The following RFPL1 variants were observed in gnomAD, a reference collection of about 807,000 sequenced individuals.
RFPL1 encodes the protein ret finger protein like 1.
Under a neutral mutation model 9.6 loss-of-function variants are expected in RFPL1, and 6 were observed. That is an observed-to-expected ratio of 0.62 (90% CI 0.34 to 1.23). RFPL1 has a LOEUF of 1.23. Ranked by LOEUF, RFPL1 falls within the 50% of genes most tolerant of loss-of-function variation. RFPL1 has a pLI of 0.03. For missense variants in RFPL1, 352 were observed against 398.4 expected (o/e 0.88, Z 0.99); for synonymous variants, 145 against 149.4 (o/e 0.97, Z 0.22).
chr22:29,423,153 G>T, the RFPL1 span: 1 of 1,514,660 alleles, frequency 6.6e-7, no homozygotes, highest in South Asian at 1.1e-5. Flanking sequence ...AATATTTTGA[G>T]TCAGTCATTT....
the RFPL1 span, among the ~76,000 whole-genome samples, chr22:29,405,289 C>CCATG: frequency 6.6e-6 from 1 of 152,128 alleles, no homozygotes; most frequent in Admixed American, 6.5e-5. Context: ...CGCAGCAGCT[C>CCATG]CATGGTATGC....
At chr22:29,438,787 T>G (rs1009849023) in exon 1 of RFPL1, 7 of 1,611,800 alleles carry the variant, frequency 4.3e-6, no homozygotes, top group Non-Finnish European at 5.9e-6. Flanking sequence ...ACAATACCTT[T>G]ATGCATGAAA....
At chr22:29,424,788 C>T in the RFPL1 span, among the ~76,000 whole-genome samples, 7 of 148,992 alleles carry the variant, frequency 4.7e-5, no homozygotes, top group Non-Finnish European at 1.0e-4. Flanking sequence ...AGCCACAGCA[C>T]TCCAGCGTGG....
rs1246650575 is a variant in RFPL1 at position 29,438,607 on chromosome 22, T to C, written c.-185T>C. 12 of 1,434,528 alleles carry C rather than the reference T, an allele frequency of 8.4e-6. No individual in the cohort carries two copies. In the East Asian group the frequency reaches 2.8e-4, roughly 33 times the overall value. The allele number at this position is 1,434,528 out of a possible 1,614,324, so 88.9% of individuals were successfully genotyped here. Reference sequence around the variant, plus strand: ...TGCCGTGTCACTGGCTCAGGCTCAGTTGCTGGGTCACCAGTAGAATGGACC... The same window carrying C: ...TGCCGTGTCACTGGCTCAGGCTCAGCTGCTGGGTCACCAGTAGAATGGACC... On this transcript the variant is annotated 5_prime_UTR_variant, in exon 1 of 2. Transcript: ENST00000354373.
the RFPL1 span, among the ~76,000 whole-genome samples, chr22:29,409,795 G>A: frequency 6.6e-6 from 1 of 152,040 alleles, no homozygotes. Flanking sequence ...ATATTTGATT[G>A]CCGTCATCCA....
At chr22:29,393,908 C>G in the RFPL1 span, among the ~76,000 whole-genome samples, 2 of 152,222 alleles carry the variant, frequency 1.3e-5, no homozygotes, top group Non-Finnish European at 2.9e-5. Flanking sequence ...AACTCCTGAC[C>G]TTAAATGATC....
the RFPL1 span, among the ~76,000 whole-genome samples, chr22:29,404,570 T>C: frequency 6.6e-6 from 1 of 152,246 alleles, no homozygotes; most frequent in Non-Finnish European, 1.5e-5. Flanking sequence ...AGACATGGCA[T>C]ATAAAACTAG....
the RFPL1 span, among the ~76,000 whole-genome samples, chr22:29,411,004 G>T: frequency 6.6e-6 from 1 of 152,068 alleles, no homozygotes; most frequent in South Asian, 2.1e-4. Flanking sequence ...AAGAACACCC[G>T]CCCCATCCTG....
At chr22:29,407,155 G>A in the RFPL1 span, among the ~76,000 whole-genome samples, 2 of 151,462 alleles carry the variant, frequency 1.3e-5, no homozygotes, top group South Asian at 2.1e-4. Context: ...GTGCATTGGT[G>A]CAATCACAAC....
the RFPL1 span, among the ~76,000 whole-genome samples, chr22:29,432,680 G>A: frequency 1.3e-5 from 2 of 152,186 alleles, no homozygotes; most frequent in South Asian, 2.1e-4. Flanking sequence ...TGGCTGGACC[G>A]CTGGGCCTAG....
chr22:29,420,343 T>G, the RFPL1 span, among the ~76,000 whole-genome samples: 68 of 152,188 alleles, frequency 4.5e-4, no homozygotes, highest in Admixed American at 8.5e-4. Context: ...TTCTCTCTCT[T>G]TTTTTGAGAT....
chr22:29,390,961 G>A, the RFPL1 span, among the ~76,000 whole-genome samples: 1 of 148,296 alleles, frequency 6.7e-6, no homozygotes, highest in African/African-American at 2.5e-5. Context: ...CTAACACAGT[G>A]AAACCCCGTC....
chr22:29,396,703 TCCTGG>T, the RFPL1 span, among the ~76,000 whole-genome samples: 22 of 152,260 alleles, frequency 1.4e-4, no homozygotes, highest in African/African-American at 5.1e-4. Context: ...GGTCTCGAAC[TCCTGG>T]CCTCAAGTGA....
the RFPL1 span, among the ~76,000 whole-genome samples, chr22:29,394,974 G>A: frequency 4.6e-5 from 7 of 152,128 alleles, no homozygotes; most frequent in African/African-American, 7.2e-5. Flanking sequence ...GTGCGGTCTC[G>A]TGAAATGACC....
At chr22:29,420,827 G>A in the RFPL1 span, among the ~76,000 whole-genome samples, 3 of 151,678 alleles carry the variant, frequency 2.0e-5, no homozygotes, top group Non-Finnish European at 4.4e-5. Context: ...TTTTAGTAGA[G>A]ACGGGGTTTC....
chr22:29,401,588 C>A, the RFPL1 span, among the ~76,000 whole-genome samples: 4 of 152,198 alleles, frequency 2.6e-5, no homozygotes, highest in African/African-American at 7.2e-5. Flanking sequence ...CCAAGCACTT[C>A]CTCTTCTATC....
At chr22:29,420,626 G>GTA in the RFPL1 span, among the ~76,000 whole-genome samples, 1 of 82,586 alleles carries the variant, frequency 1.2e-5, no homozygotes, top group Non-Finnish European at 2.1e-5. Context: ...ACTGCAGATG[G>GTA]TTTTTTGCTT....
At chr22:29,422,073 G>T in the RFPL1 span, among the ~76,000 whole-genome samples, 2 of 152,222 alleles carry the variant, frequency 1.3e-5, no homozygotes, top group Admixed American at 6.5e-5. Flanking sequence ...TGGCCAGAAA[G>T]ATGCTTACAG....
the RFPL1 span, among the ~76,000 whole-genome samples, chr22:29,424,656 T>TAAA: frequency 8.2e-6 from 1 of 121,826 alleles, no homozygotes; most frequent in Non-Finnish European, 1.7e-5. Context: ...AAGGACAAAG[T>TAAA]AAAAAAAAAA....
Sources: allele counts gnomAD v4.1 joint callset (sites outside exome capture counted in the v4.1 genomes callset), GRCh38; gene constraint gnomAD v4.1.1; transcripts MANE v1.5; gene names NCBI Gene and HGNC (gene_info 2026-07-23, HGNC 2026-07-21).